PCSK2: variants seen among roughly 807,000 people sequenced by gnomAD.
The protein encoded by PCSK2 is neuroendocrine convertase 2.
Under a neutral mutation model 69.7 loss-of-function variants are expected in PCSK2, and 14 were observed. That is an observed-to-expected ratio of 0.20 (90% confidence interval 0.13 to 0.31). PCSK2 has a LOEUF of 0.31. Among genes scored for constraint, PCSK2 ranks in the 10% least tolerant of loss-of-function variants. The probability of loss-of-function intolerance (pLI) is 1.00; values close to 1 mark genes in which losing one functional copy is unlikely to be tolerated. For synonymous variants in PCSK2, 307 were observed against 320.7 expected (o/e 0.96, Z 0.46); for missense variants, 544 against 842.5 (o/e 0.65, Z 4.39).
At chr20:17,347,881 A>AGG (rs1568612255) in intron 2 of PCSK2, among the ~76,000 whole-genome samples, 2 of 3,990 alleles carry the variant, frequency 5.0e-4, no homozygotes, top group Non-Finnish European at 1.3e-3. Flanking sequence ...AAAAAGAAAG[A>AGG]AAGAAAGAAA....
At chr20:17,262,410 T>A (rs1480388421) in intron 2 of PCSK2, among the ~76,000 whole-genome samples, 1 of 151,798 alleles carries the variant, frequency 6.6e-6, no homozygotes, top group Non-Finnish European at 1.5e-5. Flanking sequence ...TTGTCAATAA[T>A]AAACTCATTC....
At chr20:17,238,253 G>A (rs1986418151) in intron 1 of PCSK2, among the ~76,000 whole-genome samples, 1 of 149,474 alleles carries the variant, frequency 6.7e-6, no homozygotes, top group East Asian at 2.0e-4. Context: ...TGGTTTTAAA[G>A]GTATTTATGA....
At chr20:17,229,134 A>C (rs180690181) in intron 1 of PCSK2, among the ~76,000 whole-genome samples, 4 of 152,134 alleles carry the variant, frequency 2.6e-5, no homozygotes, top group Non-Finnish European at 5.9e-5. Context: ...GAGTCCTTAC[A>C]TAGATTTTTA....
chr20:17,275,143 C>G (rs1988019460), intron 2 of PCSK2, among the ~76,000 whole-genome samples: 2 of 146,532 alleles, frequency 1.4e-5, no homozygotes, highest in Non-Finnish European at 3.0e-5. Context: ...AAATGGTTTT[C>G]TTATAAAAGA....
chr20:17,227,862 C>T (rs1418503541), intron 1 of PCSK2, among the ~76,000 whole-genome samples: 2 of 152,118 alleles, frequency 1.3e-5, no homozygotes, highest in East Asian at 3.9e-4. Context: ...CCAGGGAAGT[C>T]TCCCCCACCC....
In PCSK2 at chr20:17,482,214, G is replaced by A. The variant is rs2033418530; in HGVS notation, c.*144G>A. 1.4e-6 allele frequency: 1 copy of A among 714,028 alleles called. No homozygotes were observed. Among genetic ancestry groups the A allele is most frequent in the African/African-American group, 1.8e-5 (1 of 56,136 alleles). 44.2% of individuals were successfully genotyped at this position (714,028 alleles called of 1,614,324 possible). The stretch of plus-strand genomic sequence containing the variant: ...ATCTGAAGCTTCACTCACTGTCAAT[G>A]ATTATTTTCATTACAATGGAAACAA... On this transcript the variant is annotated 3_prime_UTR_variant, in exon 12 of 12. Coordinates refer to ENST00000262545, the MANE Select transcript of PCSK2 (RefSeq NM_002594.5).
chr20:17,451,915 CTTTTTTTTTTT>C (rs34323701), intron 8 of PCSK2, among the ~76,000 whole-genome samples: 5 of 101,610 alleles, frequency 4.9e-5, no homozygotes, highest in African/African-American at 7.7e-5. Flanking sequence ...TTGTACTTTG[CTTTTTTTTTTT>C]TTTTTTTTTT....
intron 2 of PCSK2, among the ~76,000 whole-genome samples, chr20:17,344,655 T>C (rs1990598767): frequency 6.9e-6 from 1 of 144,850 alleles, no homozygotes; most frequent in African/African-American, 2.5e-5. Context: ...TTGTTCCCCA[T>C]TGAAAACCTA....
intron 8 of PCSK2, among the ~76,000 whole-genome samples, chr20:17,451,476 C>T (rs759497199): frequency 3.3e-5 from 5 of 152,140 alleles, no homozygotes; most frequent in Non-Finnish European, 7.4e-5. Flanking sequence ...ATACTTCTCT[C>T]TTATCAATCA....
At chr20:17,435,699 C>T (rs538236171) in intron 7 of PCSK2, among the ~76,000 whole-genome samples, 1 of 152,260 alleles carries the variant, frequency 6.6e-6, no homozygotes, top group Middle Eastern at 3.4e-3. Flanking sequence ...GGTGGAAAGA[C>T]TCAGGTCAGC....
intron 1 of PCSK2, among the ~76,000 whole-genome samples, chr20:17,241,381 A>G (rs535339730): frequency 6.6e-6 from 1 of 152,270 alleles, no homozygotes; most frequent in East Asian, 1.9e-4. Context: ...TACTATGCTG[A>G]GGAATTTGGA....
chr20:17,289,456 G>A (rs1387715210), intron 2 of PCSK2, among the ~76,000 whole-genome samples: 2 of 152,086 alleles, frequency 1.3e-5, no homozygotes, highest in Non-Finnish European at 2.9e-5. Context: ...GGAACCCTCT[G>A]TACTTTCCAC....
intron 5 of PCSK2, among the ~76,000 whole-genome samples, chr20:17,385,156 T>G (rs2031202272): frequency 6.6e-6 from 1 of 152,210 alleles, no homozygotes; most frequent in Admixed American, 6.5e-5. Flanking sequence ...CCATATGGCC[T>G]GCAAAGCCTA....
rs1989316484 is a variant in PCSK2, at chr20:17,306,070, GAACC to G, written c.282+45728_282+45731del. Among the ~76,000 whole-genome samples the G allele has an allele frequency of 3.9e-5, 6 of 152,238 alleles. No individual in the cohort carries two copies. In the South Asian group the frequency reaches 1.2e-3, roughly 32 times the overall value. On this transcript the variant is annotated intron_variant, in intron 2 of 11. Coordinates refer to ENST00000262545, the MANE Select transcript of PCSK2 (RefSeq NM_002594.5). ...TACTAAACACTGTATTTATTAGGAT[GAACC>G]ATTTTTATAGGGCTTTCTAAAACAC...
At chr20:17,243,478 G>GC (rs1241750288) in intron 1 of PCSK2, among the ~76,000 whole-genome samples, 1 of 152,200 alleles carries the variant, frequency 6.6e-6, no homozygotes, top group African/African-American at 2.4e-5. Flanking sequence ...GGAATTACAG[G>GC]CCACCATACC....
intron 1 of PCSK2, among the ~76,000 whole-genome samples, chr20:17,247,535 T>G (rs1312594074): frequency 1.3e-5 from 2 of 152,182 alleles, no homozygotes; most frequent in Non-Finnish European, 2.9e-5. Flanking sequence ...CTGAGGACCA[T>G]GAAAACCAGC....
intron 2 of PCSK2, among the ~76,000 whole-genome samples, chr20:17,316,262 A>G (rs1989685900): frequency 6.6e-6 from 1 of 152,066 alleles, no homozygotes; most frequent in South Asian, 2.1e-4. Context: ...TTCCTTCTCC[A>G]TTGTCACTGA....
At chr20:17,345,285 T>G (rs538566776) in intron 2 of PCSK2, among the ~76,000 whole-genome samples, 1 of 152,338 alleles carries the variant, frequency 6.6e-6, no homozygotes, top group East Asian at 1.9e-4. Flanking sequence ...ATGAATATAT[T>G]GACCATTATA....
At chr20:17,325,557 T>G (rs1990021065) in intron 2 of PCSK2, among the ~76,000 whole-genome samples, 1 of 152,224 alleles carries the variant, frequency 6.6e-6, no homozygotes, top group Non-Finnish European at 1.5e-5. Context: ...GTAGGTCATA[T>G]CTCAATTAAC....
Sources: allele counts gnomAD v4.1 joint callset (sites outside exome capture counted in the v4.1 genomes callset), GRCh38; gene constraint gnomAD v4.1.1; transcripts MANE v1.5; gene names NCBI Gene and HGNC (gene_info 2026-07-23, HGNC 2026-07-21).